The following TMEM74 variants were observed in gnomAD, a reference collection of about 807,000 sequenced individuals.
TMEM74 encodes transmembrane protein 74.
Under a neutral mutation model 18.1 loss-of-function variants are expected in TMEM74, and 13 were observed. The observed-to-expected ratio is 0.72, with a 90% CI of 0.47 to 1.14. TMEM74 has a LOEUF of 1.14. TMEM74 is among the 50% of genes most tolerant of loss of function. The pLI, the probability that TMEM74 is intolerant of heterozygous loss-of-function variation, is 0.00. For synonymous variants in TMEM74, 159 were observed against 146.6 expected, an observed-to-expected ratio of 1.08 and a Z score of -0.61; for missense variants, 372 against 375.9, an observed-to-expected ratio of 0.99 and a Z score of 0.09.
At chr8:108,752,691 A>G (rs1813915473) in intron 1 of TMEM74, among the ~76,000 whole-genome samples, 1 of 152,148 alleles carries the variant, frequency 6.6e-6, no homozygotes, top group Non-Finnish European at 1.5e-5. Flanking sequence ...TTTCAAATAC[A>G]TCAGTCTCTG....
At position 108,676,500 on chromosome 8, in the gene TMEM74, C is replaced by G. The variant is rs536206840; in HGVS notation, n.120-21063G>C. On this transcript the variant is annotated intron_variant and non_coding_transcript_variant, in intron 1 of 3. Transcript: ENST00000518838. ...GCATGCACACGGCTCACTTCCTCCT[C>G]TCCTTTAAGTCTTCTCTCACATGTA... Among the ~76,000 whole-genome samples the G allele has an allele frequency of 2.3e-4, 35 of 152,260 alleles. 1 individual carries two copies. In the South Asian group the frequency reaches 6.8e-3, roughly 30 times the overall value.
intron 1 of TMEM74, among the ~76,000 whole-genome samples, chr8:108,682,861 G>C (rs146808356): frequency 1.1e-3 from 168 of 151,872 alleles, no homozygotes; most frequent in Admixed American, 3.7e-3. Flanking sequence ...GAAATAAGTG[G>C]ATATTAATAA....
At chr8:108,776,100 G>T (rs1298608091), downstream of TMEM74, among the ~76,000 whole-genome samples, 1 of 152,202 alleles carries the variant, frequency 6.6e-6, no homozygotes, top group Non-Finnish European at 1.5e-5. Flanking sequence ...AGTGCTTATT[G>T]ATAGAATCTT....
downstream of TMEM74, among the ~76,000 whole-genome samples, chr8:108,777,093 T>C (rs1814242628): frequency 6.6e-6 from 1 of 152,166 alleles, no homozygotes; most frequent in South Asian, 2.1e-4. Context: ...TCTATCAGAG[T>C]CTTGCAAGGC....
chr8:108,717,478 A>G (rs1413231386), intron 1 of TMEM74, among the ~76,000 whole-genome samples: 2 of 152,210 alleles, frequency 1.3e-5, no homozygotes, highest in African/African-American at 2.4e-5. Context: ...CTCTGTTCAC[A>G]TGGAGTTGAT....
rs1188518706 is a variant in TMEM74 at position 108,782,563 on chromosome 8, G to A, written c.*1618C>T. Among the ~76,000 whole-genome samples the A allele has an allele frequency of 6.6e-6, 1 of 152,098 alleles. No individual in the cohort carries two copies. The highest frequency in any genetic ancestry group is 6.5e-5 in the Admixed American group (1 of 15,278). ...CTCATCAAATCAATCTGACACCCAT[G>A]AGAGCTCATCCACATAAATATCCTG... On this transcript the variant is annotated 3_prime_UTR_variant, in exon 2 of 2. Coordinates refer to ENST00000297459, the MANE Select transcript of TMEM74 (RefSeq NM_153015.3).
chr8:108,733,495 G>C lies in TMEM74; in HGVS notation n.119+53981C>G, dbSNP rs547249546. ...GGTGGCTTCTAGGGAATGAGGGAGAGGAGTTACTGGAAAGGGGTAGGAGGG... is the reference window on the plus strand; with the variant it reads ...GGTGGCTTCTAGGGAATGAGGGAGACGAGTTACTGGAAAGGGGTAGGAGGG... On this transcript the variant is annotated intron_variant and non_coding_transcript_variant, in intron 1 of 3. Transcript: ENST00000518838. Among the ~76,000 whole-genome samples the C allele has an allele frequency of 9.2e-5, 14 of 152,212 alleles. No individual in the cohort carries two copies. In the South Asian group the frequency reaches 2.9e-3, roughly 32 times the overall value.
chr8:108,631,948 A>C (rs3019388), intron 2 of TMEM74, among the ~76,000 whole-genome samples: 32,042 of 151,984 alleles, frequency 0.21, 3,417 homozygotes, highest in East Asian at 0.27. Context: ...AGCTCTTACT[A>C]TAAGTCAGGC....
At chr8:108,751,644 C>G (rs541090276) in intron 1 of TMEM74, among the ~76,000 whole-genome samples, 2 of 152,052 alleles carry the variant, frequency 1.3e-5, no homozygotes, top group African/African-American at 4.8e-5. Flanking sequence ...CAACAAAAAA[C>G]ATAAACGAGC....
intron 1 of TMEM74, among the ~76,000 whole-genome samples, chr8:108,658,666 C>T (rs1472348539): frequency 6.6e-6 from 1 of 152,184 alleles, no homozygotes; most frequent in Non-Finnish European, 1.5e-5. Context: ...GAAAGCTTTG[C>T]AGCCAAGCAA....
chr8:108,768,942 C>T lies in TMEM74; in HGVS notation n.119+18534G>A, dbSNP rs60702736. On this transcript the variant is annotated intron_variant and non_coding_transcript_variant, in intron 1 of 3. Coordinates refer to the TMEM74 transcript ENST00000518838. Reference sequence around the variant, plus strand: ...CTGTTACGTATGACTGACTTGTATGCAAGGTTTGAAGATATTGAGAGAAAA... The same window carrying T: ...CTGTTACGTATGACTGACTTGTATGTAAGGTTTGAAGATATTGAGAGAAAA... Among the ~76,000 whole-genome samples the T allele has an allele frequency of 6.2e-3, 940 of 152,100 alleles. 14 individuals are homozygous for T. The highest frequency in any genetic ancestry group is 0.021 in the African/African-American group (873 of 41,476).
intron 1 of TMEM74, among the ~76,000 whole-genome samples, chr8:108,772,262 G>A (rs1350522179): frequency 6.6e-6 from 1 of 152,050 alleles, no homozygotes; most frequent in East Asian, 1.9e-4. Flanking sequence ...TTTTCTTCCT[G>A]GGGTTATTTT....
At chr8:108,775,438 A>G (rs1814222292), downstream of TMEM74, among the ~76,000 whole-genome samples, 1 of 152,166 alleles carries the variant, frequency 6.6e-6, no homozygotes, top group Non-Finnish European at 1.5e-5. Context: ...AAACAGTCTA[A>G]GGCTCATGGG....
intron 1 of TMEM74, among the ~76,000 whole-genome samples, chr8:108,742,262 A>T (rs1295586789): frequency 6.6e-6 from 1 of 152,190 alleles, no homozygotes; most frequent in East Asian, 1.9e-4. Flanking sequence ...TACTTATACA[A>T]TGAATCTTCA....
downstream of TMEM74, among the ~76,000 whole-genome samples, chr8:108,778,094 C>T (rs540809026): frequency 1.4e-4 from 21 of 152,162 alleles, no homozygotes; most frequent in African/African-American, 5.1e-4. Context: ...ATCAAGTGAT[C>T]ATTAGAGAAG....
chr8:108,686,826 A>G (rs1457905916), intron 1 of TMEM74, among the ~76,000 whole-genome samples: 2 of 152,070 alleles, frequency 1.3e-5, no homozygotes, highest in Admixed American at 6.5e-5. Context: ...TCCTTATCAG[A>G]CTCTAAGTGT....
rs1272462362 is a variant in TMEM74, at chr8:108,782,273, T to C, written c.*1908A>G. ...AAAAATCATGAAATGAGAGTCACAG[T>C]AAAACAAAGTTTGTTCAAAAAGCAC... On this transcript the variant is annotated 3_prime_UTR_variant, in exon 2 of 2. Coordinates refer to ENST00000297459, the MANE Select transcript of TMEM74 (RefSeq NM_153015.3). Among the ~76,000 whole-genome samples the C allele has an allele frequency of 6.6e-6, 1 of 152,142 alleles. No homozygotes were observed. The highest frequency in any genetic ancestry group is 2.4e-5 in the African/African-American group (1 of 41,426).
intron 1 of TMEM74, among the ~76,000 whole-genome samples, chr8:108,658,593 G>A (rs777797979): frequency 4.9e-4 from 74 of 152,112 alleles, no homozygotes; most frequent in Non-Finnish European, 9.4e-4. Context: ...AGGATTATGA[G>A]GAAAAAAGAT....
intron 1 of TMEM74, among the ~76,000 whole-genome samples, chr8:108,695,326 G>A (rs774371974): frequency 4.6e-5 from 7 of 152,212 alleles, no homozygotes; most frequent in African/African-American, 7.2e-5. Context: ...AAGGAGATTC[G>A]TAGAAGAAGT....
Sources: allele counts gnomAD v4.1 joint callset (sites outside exome capture counted in the v4.1 genomes callset), GRCh38; gene constraint gnomAD v4.1.1; transcripts MANE v1.5; gene names NCBI Gene and HGNC (gene_info 2026-07-23, HGNC 2026-07-21).